RIF1: variants seen among roughly 807,000 people sequenced by gnomAD.
The protein encoded by RIF1 is telomere-associated protein RIF1.
In RIF1, 45 loss-of-function variants were observed where a neutral mutation model predicts 247.1. The observed-to-expected ratio is 0.18, with a 90% confidence interval of 0.14 to 0.23. The LOEUF (loss-of-function observed/expected upper bound fraction) is 0.23. Among genes scored for constraint, RIF1 ranks in the 10% least tolerant of loss-of-function variants. The pLI is 1.00. For missense variants in RIF1, 2,967 were observed against 2,862.5 expected (o/e 1.04, Z -0.83); for synonymous variants, 1,087 against 978.8 (o/e 1.11, Z -2.06).
chr2:151,495,447 G>GCGTGCTA (rs2059562491), intron 10 of RIF1: 1 of 151,218 alleles, frequency 6.6e-6, no homozygotes, highest in Non-Finnish European at 1.5e-5. Context: ...ACGTTATTCT[G>GCGTGCTA]ATGCGTGCTA....
chr2:151,507,122 TC>T (rs2069713666), intron 13 of RIF1: 12 of 694,306 alleles, frequency 1.7e-5, no homozygotes, highest in Non-Finnish European at 2.7e-5. Flanking sequence ...TAAAAAAAAG[TC>T]TATGCACAAT....
chr2:151,534,104 C>T, the RIF1 span: 1 of 804,752 alleles, frequency 1.2e-6, no homozygotes, highest in East Asian at 2.5e-5. Flanking sequence ...AACAGAACAA[C>T]CCAATATCAT....
intron 27 of RIF1, 78 bp downstream of exon 27, chr2:151,461,367 T>A: frequency 7.1e-7 from 1 of 1,402,142 alleles, no homozygotes; most frequent in Non-Finnish European, 9.9e-7. Flanking sequence ...TAACTTTGTG[T>A]TTAGAACTAA....
At chr2:151,469,632 A>G in intron 33 of RIF1, 79 bp from the exon 34 acceptor site, 5 of 1,073,564 alleles carry the variant, frequency 4.7e-6, no homozygotes, top group Non-Finnish European at 6.3e-6. Flanking sequence ...TAAATGGGGA[A>G]ATTGAACTGG....
intron 10 of RIF1, chr2:151,498,086 A>T: frequency 6.8e-7 from 1 of 1,471,070 alleles, no homozygotes; most frequent in South Asian, 1.4e-5. Context: ...ATATCAGATG[A>T]AGTAAAAAAT....
At chr2:151,441,726 G>A (rs1313917688) in intron 15 of RIF1, among the ~76,000 whole-genome samples, 179 bp from the exon 16 acceptor site, 2 of 152,090 alleles carry the variant, frequency 1.3e-5, no homozygotes, top group Admixed American at 6.5e-5. Context: ...CTTCTAAAAC[G>A]GATGCAGATA....
intron 21 of RIF1, among the ~76,000 whole-genome samples, chr2:151,454,208 A>G (rs1287540935): frequency 1.3e-5 from 2 of 152,178 alleles, no homozygotes; most frequent in African/African-American, 2.4e-5. Flanking sequence ...CATTCCTTAA[A>G]AGAATGGATT....
intron 7 of RIF1, among the ~76,000 whole-genome samples, chr2:151,421,244 T>G (rs746600390): frequency 6.6e-6 from 1 of 152,128 alleles, no homozygotes; most frequent in Non-Finnish European, 1.5e-5. Context: ...TGAAGACCAC[T>G]AAGGAGAAGA....
intron 21 of RIF1, among the ~76,000 whole-genome samples, chr2:151,452,420 T>A (rs1406310308): frequency 6.6e-6 from 1 of 152,250 alleles, no homozygotes; most frequent in East Asian, 1.9e-4. Flanking sequence ...TGTTGAGATA[T>A]ATTATTCTTG....
chr2:151,514,531 C>T, the RIF1 span: 1 of 920,156 alleles, frequency 1.1e-6, no homozygotes, highest in Non-Finnish European at 1.8e-6. Context: ...AAAGGGTTCA[C>T]AGTTTAGTAA....
In RIF1 at chr2:151,506,434, T is replaced by C. The variant is rs2068916619; in HGVS notation, c.*1027+59T>C. 4 of 580,648 alleles carry C rather than the reference T, an allele frequency of 6.9e-6. 1 individual carries two copies. In the Admixed American group the frequency reaches 1.2e-4, roughly 18 times the overall value. 36.0% of individuals were successfully genotyped at this position (580,648 alleles called of 1,614,324 possible). A position where few individuals can be genotyped will look rare whatever the true frequency, so the allele number is the denominator to read the frequency against. ...TGTCAGTATCAGTGACTCAGACCAG[T>C]TATACAACATGGATCTTTCCAGATC... On this transcript the variant is annotated intron_variant and NMD_transcript_variant, in intron 13 of 13. Transcript: ENST00000454583.
Position 151,437,308 on chromosome 2 carries a change from T to C in RIF1, c.1440T>C (p.Thr480=). The change falls in exon 13 of 36, where the codon ACT becomes ACC. Residue 480 remains threonine (T), a synonymous_variant. Coordinates refer to ENST00000444746, the MANE Select transcript of RIF1 (RefSeq NM_018151.5). ...FFSKHANTLI[T]AVHDSFVAVG... ...CCAAACATGCAAATACACTTATCAC[T>C]GCTGTTCATGATAGCTTTGTTGCAG... 1 of 1,614,010 alleles carries C rather than the reference T, an allele frequency of 6.2e-7. No individual in the cohort carries two copies.
intron 18 of RIF1, 57 bp downstream of exon 18, chr2:151,443,766 C>T: frequency 1.9e-6 from 2 of 1,055,712 alleles, no homozygotes; most frequent in Non-Finnish European, 2.6e-6. Flanking sequence ...TTTGTTAGTG[C>T]AGTTGGGGAA....
intron 3 of RIF1, among the ~76,000 whole-genome samples, chr2:151,412,286 G>A (rs1686380791): frequency 7.1e-6 from 1 of 141,300 alleles, no homozygotes; most frequent in South Asian, 2.2e-4. Context: ...TTATGACCTT[G>A]TTCTCTTTTT....
chr2:151,519,876 ATCATATAATC>A, the RIF1 span: 364 of 681,472 alleles, frequency 5.3e-4, 1 homozygote, highest in African/African-American at 5.3e-3. Flanking sequence ...ACATAGAGTG[ATCATATAATC>A]TATTATCCAA....
At chr2:151,504,665 A>ATAAAC (rs1254161100) in intron 12 of RIF1, among the ~76,000 whole-genome samples, 5 of 152,228 alleles carry the variant, frequency 3.3e-5, no homozygotes, top group Non-Finnish European at 5.9e-5. Flanking sequence ...TTTATTGGCC[A>ATAAAC]TAAACTATTT....
At chr2:151,483,276 AC>A (rs2049238739), downstream of RIF1, 1 of 152,116 alleles carries the variant, frequency 6.6e-6, no homozygotes, top group East Asian at 1.9e-4. Flanking sequence ...CGTTGGACCA[AC>A]AAGCACAAGC....
At chr2:151,507,138 A>G (rs1559349446) in intron 13 of RIF1, 2 of 620,700 alleles carry the variant, frequency 3.2e-6, no homozygotes, top group South Asian at 4.2e-5. Context: ...CACAATAATT[A>G]TGGTCTGGTA....
the RIF1 span, among the ~76,000 whole-genome samples, chr2:151,524,018 A>G: frequency 6.6e-6 from 1 of 152,186 alleles, no homozygotes; most frequent in Non-Finnish European, 1.5e-5. Flanking sequence ...AGGCCTGGGG[A>G]GAGGTTCCAG....
Sources: gnomAD v4.1 joint callset for allele counts (sites outside exome capture counted in the v4.1 genomes callset) on GRCh38, gnomAD v4.1.1 for gene constraint, MANE v1.5 for transcripts, NCBI Gene and HGNC (gene_info 2026-07-23, HGNC 2026-07-21) for gene names.